Variants in PDE3A observed in about 807,000 individuals in gnomAD.
PDE3A encodes the protein phosphodiesterase 3A, also known as cGMP-inhibited 3',5'-cyclic phosphodiesterase 3A.
A neutral mutation model predicts 98.3 loss-of-function variants in PDE3A; 43 were observed. That is an observed-to-expected ratio of 0.44 (90% CI 0.34 to 0.56). The LOEUF (loss-of-function observed/expected upper bound fraction) is 0.56, where lower values mean the gene tolerates loss of function less well. Ranked by LOEUF, PDE3A falls within the 20% of genes least tolerant of loss-of-function variation. The probability of loss-of-function intolerance (pLI) is 0.01; values close to 1 mark genes in which losing one functional copy is unlikely to be tolerated. For missense variants in PDE3A, 1,427 were observed against 1,440.7 expected (o/e 0.99, Z 0.15); for synonymous variants, 663 against 567.9 (o/e 1.17, Z -2.38).
At chr12:20,484,536 C>CT (rs534344384) in intron 1 of PDE3A, among the ~76,000 whole-genome samples, 16 of 152,116 alleles carry the variant, frequency 1.1e-4, no homozygotes, top group Admixed American at 3.3e-4. Context: ...TGTGCTTATT[C>CT]TTTTTCACTT....
intron 13 of PDE3A, among the ~76,000 whole-genome samples, 154 bp downstream of exon 13, chr12:20,649,045 C>A (rs916667896): frequency 6.6e-6 from 1 of 150,468 alleles, no homozygotes; most frequent in Admixed American, 6.7e-5. Context: ...CCTGCCTCAA[C>A]GTCCCGAGTA....
chr12:20,500,703 G>A (rs552919975), intron 1 of PDE3A, among the ~76,000 whole-genome samples: 1 of 151,062 alleles, frequency 6.6e-6, no homozygotes, highest in Non-Finnish European at 1.5e-5. Flanking sequence ...TTTGTATCTT[G>A]CTGCAGGACT....
At chr12:20,375,320 G>A (rs1943550922) in intron 1 of PDE3A, among the ~76,000 whole-genome samples, 1 of 151,872 alleles carries the variant, frequency 6.6e-6, no homozygotes, top group Non-Finnish European at 1.5e-5. Context: ...ATGATAGGTA[G>A]TATTTTTTAT....
At chr12:20,672,540 C>T (rs371634485) in intron 15 of PDE3A, among the ~76,000 whole-genome samples, 39 of 151,472 alleles carry the variant, frequency 2.6e-4, no homozygotes, top group South Asian at 6.3e-4. Context: ...TCAGAAATAA[C>T]GCTGCATATC....
chr12:20,422,568 G>A (rs1565544333), intron 1 of PDE3A, among the ~76,000 whole-genome samples: 1 of 152,034 alleles, frequency 6.6e-6, no homozygotes, highest in Non-Finnish European at 1.5e-5. Flanking sequence ...TACAACAGTG[G>A]CCTGTTTTAG....
intron 1 of PDE3A, among the ~76,000 whole-genome samples, chr12:20,540,887 T>C (rs1941880348): frequency 6.6e-6 from 1 of 151,954 alleles, no homozygotes; most frequent in Non-Finnish European, 1.5e-5. Context: ...GTAAAACATT[T>C]AATACTCCAA....
chr12:20,384,747 G>A (rs2120562455), intron 1 of PDE3A, among the ~76,000 whole-genome samples: 1 of 151,994 alleles, frequency 6.6e-6, no homozygotes, highest in Non-Finnish European at 1.5e-5. Context: ...TGTTATCATT[G>A]TTCAGCTCCC....
At chr12:20,479,713 T>G (rs1374825567) in intron 1 of PDE3A, among the ~76,000 whole-genome samples, 1 of 152,208 alleles carries the variant, frequency 6.6e-6, no homozygotes, top group Non-Finnish European at 1.5e-5. Context: ...GATATTACAC[T>G]GAGGACACTT....
intron 1 of PDE3A, among the ~76,000 whole-genome samples, chr12:20,490,994 A>G (rs893600772): frequency 1.3e-5 from 2 of 152,260 alleles, no homozygotes; most frequent in Non-Finnish European, 2.9e-5. Context: ...CTAGCTACTC[A>G]GGAGGCTGAG....
chr12:20,627,778 C>G (rs1944299212), intron 5 of PDE3A, among the ~76,000 whole-genome samples: 1 of 152,140 alleles, frequency 6.6e-6, no homozygotes, highest in Admixed American at 6.6e-5. Flanking sequence ...ATAACCTACT[C>G]CATCCGTGGA....
chr12:20,451,138 G>T (rs1405024557), intron 1 of PDE3A, among the ~76,000 whole-genome samples: 2 of 152,164 alleles, frequency 1.3e-5, no homozygotes, highest in East Asian at 3.8e-4. Context: ...CTTGCAAAAG[G>T]CTCTGGAAGA....
rs1942212468 is a variant in PDE3A, at chr12:20,551,854, GAAT to G, written c.961-4805_961-4803del. The G allele has an allele frequency of 1.9e-6, 3 of 1,613,734 alleles. No homozygotes were observed. In the African/African-American group the frequency reaches 4.0e-5, roughly 22 times the overall value. On this transcript the variant is annotated intron_variant, in intron 1 of 15. Coordinates refer to ENST00000359062, the MANE Select transcript of PDE3A (RefSeq NM_000921.5). ...CATGGCCTGTGTGGGCCGCACCAAGGAATGTACCATCATCCCGTCCAACCACTA... is the reference window on the plus strand; with the variant it reads ...CATGGCCTGTGTGGGCCGCACCAAGGGTACCATCATCCCGTCCAACCACTA...
chr12:20,654,632 G>A (rs1592151439), intron 15 of PDE3A, among the ~76,000 whole-genome samples: 1 of 150,270 alleles, frequency 6.7e-6, no homozygotes, highest in Admixed American at 6.6e-5. Flanking sequence ...GAGTAGCTGG[G>A]ACTACAGGTG....
At position 20,400,379 on chromosome 12, in the gene PDE3A, G is replaced by GTTTTTTT. The variant is rs75851941; in HGVS notation, c.960+30174_960+30180dup. Among the ~76,000 whole-genome samples, 92 of 110,200 alleles carry GTTTTTTT rather than the reference G, an allele frequency of 8.3e-4. 1 individual carries two copies. Among genetic ancestry groups the GTTTTTTT allele is most frequent in the Non-Finnish European group, 1.0e-3 (59 of 57,354 alleles). 72.3% of individuals were successfully genotyped at this position (110,200 alleles called of 152,430 possible). Reference sequence around the variant, plus strand: ...AGCTCATGTTGACTCGTTAACATTGGTTTTTTTTTTTTTTTTTTTTTTTTT... The same window carrying GTTTTTTT: ...AGCTCATGTTGACTCGTTAACATTGGTTTTTTTTTTTTTTTTTTTTTTTTTTTTTTTT... On this transcript the variant is annotated intron_variant, in intron 1 of 15. Transcript: ENST00000359062.
Position 20,385,949 on chromosome 12 carries a change from A to G in PDE3A, c.960+15705A>G, listed in dbSNP as rs1320001767. 3.1e-5 allele frequency among the ~76,000 whole-genome samples: 4 copies of G among 129,426 alleles called. No individual in the cohort carries two copies. In the East Asian group the frequency reaches 8.3e-4, roughly 27 times the overall value. 84.9% of individuals were successfully genotyped at this position (129,426 alleles called of 152,430 possible). ...AACTTAAAGTATAATACAAAGTATTATATTAATTATTAATTATATTAATTA... is the reference window on the plus strand; with the variant it reads ...AACTTAAAGTATAATACAAAGTATTGTATTAATTATTAATTATATTAATTA... On this transcript the variant is annotated intron_variant, in intron 1 of 15. Transcript: ENST00000359062.
rs569631094 is a variant in PDE3A at position 20,561,073 on chromosome 12, C to T, written c.1011+4363C>T. Among the ~76,000 whole-genome samples the T allele has an allele frequency of 2.4e-4, 31 of 126,752 alleles. No individual in the cohort carries two copies. In the South Asian group the frequency reaches 6.7e-3, roughly 27 times the overall value. The allele number at this position is 126,752 out of a possible 152,430, so 83.2% of individuals were successfully genotyped here. Reference sequence around the variant, plus strand: ...GTCAGGAGTTTGAGACCAGCCTGACCAAGATGGTGAAACCCCACTTCTACT... The same window carrying T: ...GTCAGGAGTTTGAGACCAGCCTGACTAAGATGGTGAAACCCCACTTCTACT... On this transcript the variant is annotated intron_variant, in intron 2 of 15. Transcript: ENST00000359062.
intron 1 of PDE3A, among the ~76,000 whole-genome samples, chr12:20,433,665 G>GT (rs1387278282): frequency 6.6e-6 from 1 of 151,916 alleles, no homozygotes; most frequent in Non-Finnish European, 1.5e-5. Context: ...AACAGCATAC[G>GT]TTTTTTAAAA....
intron 1 of PDE3A, among the ~76,000 whole-genome samples, chr12:20,386,090 A>G (rs370366069): frequency 1.3e-4 from 2 of 15,148 alleles, no homozygotes; most frequent in African/African-American, 3.5e-4. Context: ...TAAATATATA[A>G]ATATATATAA....
chr12:20,377,587 A>G (rs1181063503), intron 1 of PDE3A, among the ~76,000 whole-genome samples: 1 of 151,810 alleles, frequency 6.6e-6, no homozygotes, highest in Non-Finnish European at 1.5e-5. Context: ...TTCAGTTATA[A>G]TGAAAAGTCT....
Sources: gnomAD v4.1 joint callset for allele counts (sites outside exome capture counted in the v4.1 genomes callset) on GRCh38, gnomAD v4.1.1 for gene constraint, MANE v1.5 for transcripts, NCBI Gene and HGNC (gene_info 2026-07-23, HGNC 2026-07-21) for gene names.